The following OXR1 variants were observed in gnomAD, a reference collection of about 807,000 sequenced individuals.
OXR1 encodes oxidation resistance protein 1.
OXR1 carries 41 observed loss-of-function variants against 104.6 expected under a neutral mutation model. That is an observed-to-expected ratio of 0.39 (90% CI 0.31 to 0.51). OXR1 has a LOEUF of 0.51. OXR1 is among the 20% of genes least tolerant of loss of function. The pLI is 0.77. For synonymous variants in OXR1, 348 were observed against 348.4 expected (o/e 1.00, Z 0.01); for missense variants, 955 against 1,031.9 (o/e 0.93, Z 1.02).
chr8:106,637,758 C>T (rs1227442295), intron 3 of OXR1, among the ~76,000 whole-genome samples: 2 of 139,836 alleles, frequency 1.4e-5, no homozygotes, highest in Admixed American at 7.3e-5. Context: ...TACATAGTTT[C>T]GACTTTTTTT....
At chr8:106,392,011 G>A (rs899648634) in intron 2 of OXR1, among the ~76,000 whole-genome samples, 3 of 152,116 alleles carry the variant, frequency 2.0e-5, no homozygotes, top group Admixed American at 6.5e-5. Flanking sequence ...CTCAAAGCAT[G>A]ACACAAAAGC....
At chr8:106,601,041 G>C (rs549861003) in intron 3 of OXR1, among the ~76,000 whole-genome samples, 42 of 152,202 alleles carry the variant, frequency 2.8e-4, no homozygotes, top group Non-Finnish European at 5.4e-4. Context: ...ATGCAGCCTA[G>C]TAGACTTCCA....
chr8:106,465,710 T>C (rs1271470466), intron 2 of OXR1, among the ~76,000 whole-genome samples: 1 of 151,992 alleles, frequency 6.6e-6, no homozygotes, highest in Non-Finnish European at 1.5e-5. Flanking sequence ...TTGTTTTCAG[T>C]AACTAGAAGA....
At chr8:106,447,784 TG>T in intron 2 of OXR1, 1 of 772,520 alleles carries the variant, frequency 1.3e-6, no homozygotes, top group Non-Finnish European at 1.9e-6. Flanking sequence ...CCTCCTTCGT[TG>T]TACACACCGA....
At chr8:106,577,301 C>T (rs1376508336) in intron 3 of OXR1, among the ~76,000 whole-genome samples, 1 of 150,712 alleles carries the variant, frequency 6.6e-6, no homozygotes, top group Non-Finnish European at 1.5e-5. Context: ...ACCTCCACCT[C>T]CCAGGTTCAA....
At chr8:106,490,327 G>C (rs1392029617) in intron 2 of OXR1, among the ~76,000 whole-genome samples, 2 of 152,028 alleles carry the variant, frequency 1.3e-5, no homozygotes, top group Admixed American at 6.5e-5. Flanking sequence ...CTTGTGGAAG[G>C]TAGGAGGATG....
At chr8:106,550,521 A>G (rs1815720174) in intron 3 of OXR1, among the ~76,000 whole-genome samples, 1 of 152,092 alleles carries the variant, frequency 6.6e-6, no homozygotes, top group South Asian at 2.1e-4. Flanking sequence ...TTGAATTGTT[A>G]TTGTCATAAT....
At chr8:106,560,988 T>C (rs1215455971) in intron 3 of OXR1, among the ~76,000 whole-genome samples, 1 of 152,152 alleles carries the variant, frequency 6.6e-6, no homozygotes, top group Non-Finnish European at 1.5e-5. Flanking sequence ...CCAGATACTA[T>C]GCTTTTCCCA....
At chr8:106,553,320 C>CT (rs5893797) in intron 3 of OXR1, among the ~76,000 whole-genome samples, 170 of 142,886 alleles carry the variant, frequency 1.2e-3, no homozygotes, top group African/African-American at 3.2e-3. Flanking sequence ...CAATTTTCTT[C>CT]TTTTTTTTTT....
intron 3 of OXR1, among the ~76,000 whole-genome samples, chr8:106,560,185 A>G (rs779426911): frequency 3.9e-5 from 6 of 152,172 alleles, no homozygotes; most frequent in Non-Finnish European, 8.8e-5. Context: ...TAGTGGTACT[A>G]AAGTTGGAAA....
intron 3 of OXR1, among the ~76,000 whole-genome samples, chr8:106,556,408 CAAGG>C: frequency 6.6e-6 from 1 of 152,218 alleles, no homozygotes; most frequent in Admixed American, 6.5e-5. Flanking sequence ...AAAGCATCTC[CAAGG>C]AAATTGCTTT....
At chr8:106,282,496 C>T (rs991436920) in intron 1 of OXR1, among the ~76,000 whole-genome samples, 5 of 152,284 alleles carry the variant, frequency 3.3e-5, no homozygotes, top group East Asian at 1.9e-4. Flanking sequence ...TTCGACCCCT[C>T]AAAAACTTAA....
chr8:106,651,155 T>C (rs1231521153), intron 3 of OXR1, among the ~76,000 whole-genome samples: 1 of 152,180 alleles, frequency 6.6e-6, no homozygotes, highest in African/African-American at 2.4e-5. Context: ...GCTCCCCTAC[T>C]AGTAATATAT....
At chr8:106,641,855 C>T (rs1823667107) in intron 3 of OXR1, among the ~76,000 whole-genome samples, 1 of 152,058 alleles carries the variant, frequency 6.6e-6, no homozygotes, top group Admixed American at 6.6e-5. Flanking sequence ...AAAGGAAAGT[C>T]CTACAATAAA....
At chr8:106,679,486 G>A (rs890328997) in intron 4 of OXR1, among the ~76,000 whole-genome samples, 194 bp downstream of exon 4, 1 of 151,758 alleles carries the variant, frequency 6.6e-6, no homozygotes, top group East Asian at 1.9e-4. Context: ...GAGATATAAA[G>A]GTAGTTATCC....
At chr8:106,587,789 T>C (rs946167125) in intron 3 of OXR1, among the ~76,000 whole-genome samples, 1 of 152,150 alleles carries the variant, frequency 6.6e-6, no homozygotes, top group Non-Finnish European at 1.5e-5. Context: ...ACATTAATAT[T>C]TGAATCACTG....
chr8:106,460,771 A>G (rs1448691488), intron 2 of OXR1, among the ~76,000 whole-genome samples: 1 of 152,188 alleles, frequency 6.6e-6, no homozygotes, highest in African/African-American at 2.4e-5. Flanking sequence ...TGTACTAGCC[A>G]TGTACACTGG....
chr8:106,692,450 ATTATT>A (rs890730635), intron 6 of OXR1, among the ~76,000 whole-genome samples: 3 of 152,014 alleles, frequency 2.0e-5, no homozygotes, highest in East Asian at 1.9e-4. Context: ...TGTTCTCCAG[ATTATT>A]TTATTTTTTA....
chr8:106,725,053 A>C lies in OXR1; in HGVS notation c.1956+11068A>C, dbSNP rs376903761. On this transcript the variant is annotated intron_variant, in intron 11 of 16. Coordinates refer to ENST00000517566, the MANE Select transcript of OXR1 (RefSeq NM_001198533.2). ...GAGGGGTGGAGTGTGACCACAATGC[A>C]CTGTATGTAGAAGAGAACTTTCCTG... Among the ~76,000 whole-genome samples, 3 of 152,258 alleles carry C rather than the reference A, an allele frequency of 2.0e-5. No homozygotes were observed. The East Asian group carries it at 5.8e-4, about 29-fold the overall frequency.
Sources: gnomAD v4.1 joint callset for allele counts (sites outside exome capture counted in the v4.1 genomes callset) on GRCh38, gnomAD v4.1.1 for gene constraint, MANE v1.5 for transcripts, NCBI Gene and HGNC (gene_info 2026-07-23, HGNC 2026-07-21) for gene names.